Variants in KCNN3 observed in about 807,000 individuals in gnomAD.
KCNN3 encodes small conductance calcium-activated potassium channel protein 3.
Under a neutral mutation model 62.9 loss-of-function variants are expected in KCNN3, and 16 were observed. That is an observed-to-expected ratio of 0.25 (90% CI 0.17 to 0.39). The LOEUF (loss-of-function observed/expected upper bound fraction) is 0.39. Among genes scored for constraint, KCNN3 ranks in the 10% least tolerant of loss-of-function variants. The pLI is 1.00. For missense variants in KCNN3, 599 were observed against 949.4 expected, an observed-to-expected ratio of 0.63 and a Z score of 4.85; for synonymous variants, 370 against 389.2, an observed-to-expected ratio of 0.95 and a Z score of 0.58.
At chr1:154,812,940 C>T (rs1650478999) in intron 2 of KCNN3, among the ~76,000 whole-genome samples, 1 of 152,248 alleles carries the variant, frequency 6.6e-6, no homozygotes, top group South Asian at 2.1e-4. Context: ...AAACCGCTCA[C>T]AGCCACTCTC....
intron 1 of KCNN3, among the ~76,000 whole-genome samples, chr1:154,834,028 T>A (rs917206773): frequency 7.9e-5 from 12 of 152,278 alleles, no homozygotes; most frequent in African/African-American, 2.7e-4. Context: ...GTGAGTTTCC[T>A]AACATTTGGC....
rs141724644 is a variant in KCNN3 at position 154,737,810 on chromosome 1, C to G, written c.1449-4666G>C. 5.9e-5 allele frequency among the ~76,000 whole-genome samples: 9 copies of G among 152,308 alleles called. No individual in the cohort carries two copies. In the East Asian group the frequency reaches 1.5e-3, roughly 26 times the overall value. On this transcript the variant is annotated intron_variant, in intron 3 of 7. Coordinates refer to ENST00000271915, the MANE Select transcript of KCNN3 (RefSeq NM_002249.6). Reference sequence around the variant, plus strand: ...TGTGGTGTGTGCCTGTATCCCCCAGCTGCTCGGAGGCTGAGGCAGGAGGAT... The same window carrying G: ...TGTGGTGTGTGCCTGTATCCCCCAGGTGCTCGGAGGCTGAGGCAGGAGGAT...
chr1:154,746,229 A>T (rs1307820589), intron 3 of KCNN3, among the ~76,000 whole-genome samples: 1 of 152,200 alleles, frequency 6.6e-6, no homozygotes, highest in East Asian at 1.9e-4. Flanking sequence ...ACACCAAGGC[A>T]AAAAAGGGCC....
At chr1:154,847,042 C>A (rs867814757) in intron 1 of KCNN3, among the ~76,000 whole-genome samples, 1 of 152,112 alleles carries the variant, frequency 6.6e-6, no homozygotes, top group African/African-American at 2.4e-5. Context: ...CCCCTCACCC[C>A]CCTCCCTGAG....
At chr1:154,806,631 G>T (rs1315637972) in intron 2 of KCNN3, among the ~76,000 whole-genome samples, 1 of 152,088 alleles carries the variant, frequency 6.6e-6, no homozygotes, top group African/African-American at 2.4e-5. Context: ...AGTCATTATT[G>T]ATTCAATCCT....
intron 3 of KCNN3, among the ~76,000 whole-genome samples, chr1:154,756,762 A>T (rs1310025267): frequency 1.3e-5 from 2 of 152,086 alleles, no homozygotes; most frequent in South Asian, 2.1e-4. Flanking sequence ...TTCACAGTAT[A>T]TGTCATAGAT....
intron 3 of KCNN3, among the ~76,000 whole-genome samples, chr1:154,762,126 G>A (rs1180520092): frequency 6.6e-6 from 1 of 152,172 alleles, no homozygotes; most frequent in Non-Finnish European, 1.5e-5. Context: ...GCACCATGCA[G>A]AAGAGGTTTG....
At chr1:154,764,598 T>C (rs1171643244) in intron 3 of KCNN3, among the ~76,000 whole-genome samples, 1 of 152,260 alleles carries the variant, frequency 6.6e-6, no homozygotes, top group African/African-American at 2.4e-5. Flanking sequence ...GGCTTTATTT[T>C]AAAATTCTCC....
At chr1:154,868,246 T>G in intron 1 of KCNN3, 2 of 985,556 alleles carry the variant, frequency 2.0e-6, no homozygotes, top group Non-Finnish European at 2.4e-6. Flanking sequence ...CCAGCTGCTC[T>G]GCCCAGGTAA....
At chr1:154,840,598 C>T (rs1157547475) in intron 1 of KCNN3, among the ~76,000 whole-genome samples, 1 of 152,210 alleles carries the variant, frequency 6.6e-6, no homozygotes, top group Admixed American at 6.5e-5. Flanking sequence ...GACAAAGAGT[C>T]CTCATATCGG....
At chr1:154,807,330 T>C (rs1650215072) in intron 2 of KCNN3, among the ~76,000 whole-genome samples, 1 of 152,130 alleles carries the variant, frequency 6.6e-6, no homozygotes, top group South Asian at 2.1e-4. Flanking sequence ...GGGCAAGTCA[T>C]TCCCTCTACA....
At chr1:154,855,978 C>T (rs1002013127) in intron 1 of KCNN3, among the ~76,000 whole-genome samples, 2 of 152,160 alleles carry the variant, frequency 1.3e-5, no homozygotes, top group East Asian at 3.9e-4. Flanking sequence ...CGTGGTGCCT[C>T]CTCCCGCTGC....
At chr1:154,787,197 C>T (rs559482483) in intron 2 of KCNN3, among the ~76,000 whole-genome samples, 8 of 152,360 alleles carry the variant, frequency 5.3e-5, no homozygotes, top group South Asian at 2.1e-4. Flanking sequence ...CACTGAAAGC[C>T]GCGTTAGTCA....
chr1:154,796,865 A>G (rs1649757074), intron 2 of KCNN3, among the ~76,000 whole-genome samples: 1 of 152,268 alleles, frequency 6.6e-6, no homozygotes, highest in South Asian at 2.1e-4. Context: ...TTCTTGAGGA[A>G]TGAAAGGGTT....
chr1:154,868,604 C>T (rs1474392784), intron 1 of KCNN3, among the ~76,000 whole-genome samples: 1 of 150,896 alleles, frequency 6.6e-6, no homozygotes, highest in Admixed American at 6.7e-5. Context: ...CTGGCAAACA[C>T]ATGAAGGCGG....
chr1:154,772,405 AG>A lies in KCNN3; in HGVS notation c.1030-13del. ...TCGATCACGAAGAGCTGGTGGGAGC[AG>A]AAAGTCCATTAGTGTGGCCAGGACC... On this transcript the variant is annotated splice_polypyrimidine_tract_variant and intron_variant, in intron 2 of 7. Transcript: ENST00000271915. This position sits in a 1 kb window ranked among gnomAD's most constrained non-coding sequence, Gnocchi z 5.6. The A allele has an allele frequency of 6.2e-7, 1 of 1,613,776 alleles. No homozygotes were observed. Among genetic ancestry groups the A allele is most frequent in the Non-Finnish European group, 8.5e-7 (1 of 1,179,900 alleles).
At chr1:154,747,078 C>G (rs1700953237) in intron 3 of KCNN3, among the ~76,000 whole-genome samples, 1 of 152,170 alleles carries the variant, frequency 6.6e-6, no homozygotes, top group African/African-American at 2.4e-5. Context: ...GCAGTCCCAC[C>G]AGCTATCCAG....
chr1:154,709,987 T>C (rs1253588830), intron 7 of KCNN3, among the ~76,000 whole-genome samples: 4 of 152,204 alleles, frequency 2.6e-5, no homozygotes, highest in East Asian at 1.9e-4. Flanking sequence ...GAACTACCAA[T>C]TGCAAAACCT....
Position 154,705,378 on chromosome 1 carries a change from GT to G in KCNN3, c.*2597del, listed in dbSNP as rs1699947745. ...TTGCTATTACAGGATCAATGTGCAG[GT>G]TTGATCACTTTTTTTTTGAAGCATT... On this transcript the variant is annotated 3_prime_UTR_variant, in exon 8 of 8. Coordinates refer to ENST00000271915, the MANE Select transcript of KCNN3 (RefSeq NM_002249.6). 6.6e-6 allele frequency: 1 copy of G among 152,174 alleles called. No individual in the cohort carries two copies. Among genetic ancestry groups the G allele is most frequent in the Non-Finnish European group, 1.5e-5 (1 of 68,022 alleles). The allele number at this position is 152,174 out of a possible 1,614,324, so 9.4% of individuals were successfully genotyped here. A position where few individuals can be genotyped will look rare whatever the true frequency, so the allele number is the denominator to read the frequency against.
Sources: allele counts gnomAD v4.1 joint callset (sites outside exome capture counted in the v4.1 genomes callset), GRCh38; gene constraint gnomAD v4.1.1; non-coding constraint Gnocchi (gnomAD v3.1); transcripts MANE v1.5; gene names NCBI Gene and HGNC (gene_info 2026-07-23, HGNC 2026-07-21).